The following HMCN1 variants were observed in gnomAD, a reference collection of about 807,000 sequenced individuals.
HMCN1 encodes hemicentin 1.
In HMCN1, 321 loss-of-function variants were observed where a neutral mutation model predicts 625.9. The observed-to-expected ratio is 0.51, with a 90% confidence interval of 0.47 to 0.56. The LOEUF (loss-of-function observed/expected upper bound fraction) is 0.56. Among genes scored for constraint, HMCN1 ranks in the 20% least tolerant of loss-of-function variants. HMCN1 has a pLI of 0.00. For synonymous variants in HMCN1, 2,425 were observed against 2,417.6 expected, an observed-to-expected ratio of 1.00 and a Z score of -0.09; for missense variants, 6,588 against 6,887.3, an observed-to-expected ratio of 0.96 and a Z score of 1.54.
At chr1:185,839,521 T>C (rs890767757) in intron 1 of HMCN1, among the ~76,000 whole-genome samples, 8 of 152,194 alleles carry the variant, frequency 5.3e-5, no homozygotes, top group Non-Finnish European at 8.8e-5. Flanking sequence ...GTTAAAAATG[T>C]CATCTTACAT....
At position 186,106,932 on chromosome 1, in the gene HMCN1, GA is replaced by G. The variant is rs1416366405; in HGVS notation, c.10820del (p.Asp3607ValfsTer7). ...ATGTCTGGCATCCAGTCCTGCAGGAGATGATGATAAGGAATATCTAGTGAGA... is the reference window on the plus strand; with the variant it reads ...ATGTCTGGCATCCAGTCCTGCAGGAGTGATGATAAGGAATATCTAGTGAGA... ...YTCLASSPAG[D>X]DDKEYLVRVH... On this transcript the variant is annotated frameshift_variant, in exon 70 of 107. Coordinates refer to ENST00000271588, the MANE Select transcript of HMCN1 (RefSeq NM_031935.3). LOFTEE classifies it high-confidence loss of function. The G allele has an allele frequency of 1.2e-6, 2 of 1,612,810 alleles. No homozygotes were observed. The highest frequency in any genetic ancestry group is 2.7e-5 in the African/African-American group (2 of 74,902).
chr1:186,091,011 ATCCCAT>A, intron 64 of HMCN1, 94 bp downstream of exon 64: 2 of 1,368,726 alleles, frequency 1.5e-6, no homozygotes, highest in Non-Finnish European at 2.1e-6. Flanking sequence ...ACCGAATTCC[ATCCCAT>A]TGGAACTTAG....
chr1:186,135,868 C>A (rs1258473391), intron 86 of HMCN1, among the ~76,000 whole-genome samples: 3 of 152,286 alleles, frequency 2.0e-5, no homozygotes, highest in South Asian at 2.1e-4. Context: ...TATGCTATAG[C>A]ACAAGTCTGT....
At position 186,117,555 on chromosome 1, in the gene HMCN1, C is replaced by T; in HGVS notation, c.11780C>T (p.Ser3927Leu). The change falls in exon 77 of 107, where the codon TCA becomes TTA. Residue 3927 changes from serine (S) to leucine (L), a missense_variant. By Grantham distance (145) the Ser-to-Leu change is moderately radical. Transcript: ENST00000271588. ...TCTASGVPFPSIHWTKNGIRL... is the reference protein window; with the variant it reads ...TCTASGVPFPLIHWTKNGIRL... ...ACTGCTTCGGGAGTTCCATTTCCCT[C>T]AATTCACTGGACCAAAAATGGTATA... The T allele has an allele frequency of 2.5e-6, 4 of 1,613,876 alleles. No homozygotes were observed. The highest frequency in any genetic ancestry group is 3.4e-6 in the Non-Finnish European group (4 of 1,179,812).
At chr1:186,158,491 T>C (rs1269626896) in intron 97 of HMCN1, among the ~76,000 whole-genome samples, 2 of 152,240 alleles carry the variant, frequency 1.3e-5, no homozygotes, top group African/African-American at 2.4e-5. Context: ...TTTGGTGTTT[T>C]AGACATGAAG....
intron 36 of HMCN1, among the ~76,000 whole-genome samples, chr1:186,024,368 T>G (rs1654922621): frequency 6.6e-6 from 1 of 152,132 alleles, no homozygotes; most frequent in Non-Finnish European, 1.5e-5. Context: ...AGACTTACAC[T>G]TCCATCTAAG....
intron 18 of HMCN1, 36 bp from the exon 19 acceptor site, chr1:185,984,133 T>A: frequency 1.9e-6 from 3 of 1,588,502 alleles, no homozygotes; most frequent in Non-Finnish European, 2.6e-6. Flanking sequence ...AAATCCTTTC[T>A]TTTTAAATAA....
intron 82 of HMCN1, among the ~76,000 whole-genome samples, chr1:186,127,160 A>G (rs1034272861): frequency 1.3e-5 from 2 of 152,140 alleles, no homozygotes; most frequent in South Asian, 2.1e-4. Flanking sequence ...GGTGAAGGCT[A>G]CAGGTGGTAC....
At chr1:186,017,362 T>C (rs1654431253) in intron 33 of HMCN1, among the ~76,000 whole-genome samples, 1 of 152,056 alleles carries the variant, frequency 6.6e-6, no homozygotes, top group Admixed American at 6.6e-5. Context: ...AGAGACAGTC[T>C]ATTAAGCAGC....
chr1:185,931,339 A>C (rs1157327946), intron 10 of HMCN1, among the ~76,000 whole-genome samples: 1 of 152,118 alleles, frequency 6.6e-6, no homozygotes, highest in Non-Finnish European at 1.5e-5. Context: ...GTTATTTCTG[A>C]TAATCTGTAA....
At chr1:186,163,104 G>A (rs1200249916) in intron 97 of HMCN1, among the ~76,000 whole-genome samples, 1 of 152,202 alleles carries the variant, frequency 6.6e-6, no homozygotes, top group Non-Finnish European at 1.5e-5. Context: ...AGCAAGCCTG[G>A]GAAATGGCGG....
At chr1:185,924,215 CTTTTTTTTT>C (rs58164381) in intron 8 of HMCN1, among the ~76,000 whole-genome samples, 33 of 43,634 alleles carry the variant, frequency 7.6e-4, no homozygotes, top group African/African-American at 1.6e-3. Flanking sequence ...CTGACCCAAT[CTTTTTTTTT>C]TTTTTTTTTT....
At chr1:185,791,965 A>G (rs1226467944) in intron 1 of HMCN1, among the ~76,000 whole-genome samples, 1 of 152,202 alleles carries the variant, frequency 6.6e-6, no homozygotes, top group Non-Finnish European at 1.5e-5. Flanking sequence ...TGGTGGGTAG[A>G]TGGATTAATT....
intron 3 of HMCN1, among the ~76,000 whole-genome samples, chr1:185,864,979 C>T (rs1022112425): frequency 2.0e-5 from 3 of 152,232 alleles, no homozygotes; most frequent in Admixed American, 2.0e-4. Flanking sequence ...GTCAGAGTTA[C>T]TCATTGTATC....
Position 186,003,862 on chromosome 1 carries a change from A to AT in HMCN1, c.4475+21dup. The AT allele has an allele frequency of 6.2e-7, 1 of 1,611,804 alleles. No individual in the cohort carries two copies. The highest frequency in any genetic ancestry group is 2.2e-5 in the East Asian group (1 of 44,796). On this transcript the variant is annotated intron_variant, in intron 29 of 106. Transcript: ENST00000271588. ...GATGGCAAGTGAGTATCTTTTCTGT[A>AT]TTTGTTGCAAGGTTTCAATGATAGG...
intron 22 of HMCN1, among the ~76,000 whole-genome samples, chr1:185,990,874 A>G (rs1292463497): frequency 1.3e-5 from 2 of 152,246 alleles, no homozygotes; most frequent in Non-Finnish European, 2.9e-5. Flanking sequence ...GAGCACATTG[A>G]GACAACATAC....
intron 75 of HMCN1, 123 bp downstream of exon 75, chr1:186,115,537 G>T: frequency 3.2e-6 from 3 of 925,448 alleles, no homozygotes; most frequent in Admixed American, 2.1e-5. Flanking sequence ...CATATAGAGG[G>T]TTTTTTTCCT....
rs191850161 is a variant in HMCN1 at position 185,814,104 on chromosome 1, G to T, written c.269-31922G>T. On this transcript the variant is annotated intron_variant, in intron 1 of 106. Transcript: ENST00000271588. ...AAAGTGAAACAAAGTTTTAGATATG[G>T]ATAGTCAAATTTAACCTCTTATTTG... 7.6e-4 allele frequency among the ~76,000 whole-genome samples: 115 copies of T among 152,224 alleles called. 1 individual carries two copies. Among genetic ancestry groups the T allele is most frequent in the South Asian group, 4.1e-4 (2 of 4,820 alleles).
chr1:186,189,880 G>A lies in HMCN1; in HGVS notation c.*2G>A, dbSNP rs753712329. 6.2e-7 allele frequency: 1 copy of A among 1,613,318 alleles called. No individual in the cohort carries two copies. The highest frequency in any genetic ancestry group is 8.5e-7 in the Non-Finnish European group (1 of 1,179,742). Reference sequence around the variant, plus strand: ...GCTGTGTCCGCCTATCCATACTAAGGAACTCTCCAAAGCCTATTCCACATA... The same window carrying A: ...GCTGTGTCCGCCTATCCATACTAAGAAACTCTCCAAAGCCTATTCCACATA... On this transcript the variant is annotated 3_prime_UTR_variant, in exon 107 of 107. Transcript: ENST00000271588.
Sources: gnomAD v4.1 joint callset for allele counts (sites outside exome capture counted in the v4.1 genomes callset) on GRCh38, gnomAD v4.1.1 for gene constraint, MANE v1.5 for transcripts, NCBI Gene and HGNC (gene_info 2026-07-23, HGNC 2026-07-21) for gene names.